The following CNGA1 variants were observed in gnomAD, a reference collection of about 807,000 sequenced individuals.
CNGA1 encodes the protein cyclic nucleotide-gated channel alpha-1.
Under a neutral mutation model 69.7 loss-of-function variants are expected in CNGA1, and 53 were observed. That is an observed-to-expected ratio of 0.76 (90% CI 0.61 to 0.96). The LOEUF is 0.96. CNGA1 is among the 40% of genes least tolerant of loss of function. The probability of loss-of-function intolerance (pLI) is 0.00; values close to 1 mark genes in which losing one functional copy is unlikely to be tolerated. For synonymous variants in CNGA1, 249 were observed against 283.5 expected, an observed-to-expected ratio of 0.88 and a Z score of 1.22; for missense variants, 739 against 811.2, an observed-to-expected ratio of 0.91 and a Z score of 1.08.
At chr4:48,014,962 G>A (rs1715313267) in intron 1 of CNGA1, among the ~76,000 whole-genome samples, 1 of 152,072 alleles carries the variant, frequency 6.6e-6, no homozygotes, top group African/African-American at 2.4e-5. Flanking sequence ...CACGAGGTCA[G>A]GAGATTGAGA....
At chr4:48,010,062 T>C (rs1216332677) in intron 2 of CNGA1, among the ~76,000 whole-genome samples, 3 of 152,166 alleles carry the variant, frequency 2.0e-5, no homozygotes, top group Non-Finnish European at 2.9e-5. Flanking sequence ...TTCACAACAC[T>C]AGGCAGTTGT....
In CNGA1 at chr4:47,951,405, C is replaced by T; in HGVS notation, c.172G>A (p.Ala58Thr). ...SEESENENPH[A>T]RGSFSYKSLR... ...GACTTATAACTAAAGGAACCCCTTG[C>T]ATGAGGGTTTTCATTCTCTGATTCT... The change falls in exon 5 of 11, where the codon GCA becomes ACA. Residue 58 changes from alanine to threonine, a missense_variant. Coordinates refer to ENST00000514170, the MANE Select transcript of CNGA1 (RefSeq NM_001379270.1). 2 of 1,613,898 alleles carry T rather than the reference C, an allele frequency of 1.2e-6. No homozygotes were observed. Among genetic ancestry groups the T allele is most frequent in the Non-Finnish European group, 1.7e-6 (2 of 1,179,832 alleles).
intron 10 of CNGA1, among the ~76,000 whole-genome samples, chr4:47,938,827 A>T (rs2110132994): frequency 1.3e-5 from 2 of 152,076 alleles, no homozygotes; most frequent in Middle Eastern, 3.4e-3. Context: ...CTGTAATCCC[A>T]GCACTTTGGA....
At position 47,989,256 on chromosome 4, in the gene CNGA1, T is replaced by C. The variant is rs184210235; in HGVS notation, c.-122-7756A>G. 2.1e-3 allele frequency among the ~76,000 whole-genome samples: 320 copies of C among 152,316 alleles called. 3 individuals carry two copies. The highest frequency in any genetic ancestry group is 7.6e-3 in the African/African-American group (315 of 41,578). On this transcript the variant is annotated intron_variant, in intron 2 of 10. Coordinates refer to ENST00000514170, the MANE Select transcript of CNGA1 (RefSeq NM_001379270.1). ...ATTCCTGCTAATGAGCAAACTATCT[T>C]TGGTTATAATTTAACTTCTCAGGTA... is the stretch of plus-strand genomic sequence containing the variant.
At chr4:47,999,335 A>G (rs1714556293) in intron 2 of CNGA1, among the ~76,000 whole-genome samples, 1 of 152,238 alleles carries the variant, frequency 6.6e-6, no homozygotes, top group Non-Finnish European at 1.5e-5. Context: ...AAAGAGAGCT[A>G]TGATACTTTC....
At chr4:47,944,132 A>C (rs1476903798) in intron 6 of CNGA1, among the ~76,000 whole-genome samples, 3 of 152,226 alleles carry the variant, frequency 2.0e-5, no homozygotes. Context: ...TCTTGTTACC[A>C]CTAGGATAGT....
chr4:47,937,986 C>T (rs376686359), intron 10 of CNGA1, among the ~76,000 whole-genome samples, 157 bp from the exon 11 acceptor site: 1 of 151,690 alleles, frequency 6.6e-6, no homozygotes, highest in African/African-American at 2.4e-5. Flanking sequence ...TACTAATAAA[C>T]CTATGGCTGT....
In CNGA1 at chr4:47,981,461, G is replaced by A. The variant is rs1000661958; in HGVS notation, c.-83C>T. 4.6e-5 allele frequency: 7 copies of A among 152,242 alleles called. No individual in the cohort carries two copies. The highest frequency in any genetic ancestry group is 1.9e-4 in the East Asian group (1 of 5,190). 9.4% of individuals were successfully genotyped at this position (152,242 alleles called of 1,614,324 possible). A position where few individuals can be genotyped will look rare whatever the true frequency, so the allele number is the denominator to read the frequency against. ...CGTCACTGGTGTATCCAAACAAACAGGGATATACGGTAAATCTTGACATTG... is the reference window on the plus strand; with the variant it reads ...CGTCACTGGTGTATCCAAACAAACAAGGATATACGGTAAATCTTGACATTG... On this transcript the variant is annotated 5_prime_UTR_variant, in exon 3 of 11. Transcript: ENST00000514170.
chr4:48,000,447 G>A (rs929550571), intron 2 of CNGA1, among the ~76,000 whole-genome samples: 1 of 151,412 alleles, frequency 6.6e-6, no homozygotes, highest in African/African-American at 2.4e-5. Flanking sequence ...TCGGCTCACC[G>A]CAACCTCCGC....
At chr4:47,973,173 T>C (rs1190711090) in intron 3 of CNGA1, among the ~76,000 whole-genome samples, 1 of 148,232 alleles carries the variant, frequency 6.7e-6, no homozygotes, top group Non-Finnish European at 1.5e-5. Flanking sequence ...GTTCAAGCAA[T>C]TCTCCCACCT....
In CNGA1 at chr4:48,014,535, C is replaced by T. The variant is rs578072408; in HGVS notation, c.-223+1948G>A. ...TGTTTTGTTTTTTAATGTCCAATTA[C>T]CAAATGGGTTAAGAGCACATACTTG... On this transcript the variant is annotated intron_variant, in intron 1 of 10. Transcript: ENST00000514170. Among the ~76,000 whole-genome samples the T allele has an allele frequency of 3.3e-5, 5 of 152,198 alleles. No homozygotes were observed. The East Asian group carries it at 7.7e-4, about 24-fold the overall frequency.
intron 2 of CNGA1, among the ~76,000 whole-genome samples, chr4:47,985,998 T>C (rs1168255704): frequency 1.3e-5 from 2 of 152,214 alleles, no homozygotes; most frequent in African/African-American, 4.8e-5. Flanking sequence ...CTCTCTTCCT[T>C]TTCCTTCCTT....
In CNGA1 at chr4:47,936,570, C is replaced by T. The variant is rs189580090; in HGVS notation, c.1912G>A (p.Ala638Thr). The part of the protein sequence containing the change: ...GSVDLLQTRF[A>T]RILAEYESMQ... ...GACTCATACTCAGCCAAGATTCGGGCAAACCTGGTTTGCAGGAGGTCTACT... is the reference window on the plus strand; with the variant it reads ...GACTCATACTCAGCCAAGATTCGGGTAAACCTGGTTTGCAGGAGGTCTACT... The change falls in exon 11 of 11, where the codon GCC becomes ACC. Residue 638 changes from alanine (A) to threonine (T), a missense_variant. Coordinates refer to ENST00000514170, the MANE Select transcript of CNGA1 (RefSeq NM_001379270.1). The T allele has an allele frequency of 3.7e-6, 6 of 1,614,170 alleles. No homozygotes were observed. In the African/African-American group the frequency reaches 6.7e-5, roughly 18 times the overall value.
intron 2 of CNGA1, among the ~76,000 whole-genome samples, chr4:47,996,313 T>C (rs1437162837): frequency 2.6e-5 from 4 of 152,150 alleles, no homozygotes; most frequent in Non-Finnish European, 5.9e-5. Context: ...CCTTGGAATA[T>C]TGGAAATTTA....
chr4:47,946,025 C>T (rs1179804691), intron 6 of CNGA1, among the ~76,000 whole-genome samples: 1 of 152,170 alleles, frequency 6.6e-6, no homozygotes, highest in Non-Finnish European at 1.5e-5. Context: ...CAACTCCCAC[C>T]CCTACCCCAC....
intron 3 of CNGA1, among the ~76,000 whole-genome samples, chr4:47,954,569 A>G (rs1465076661): frequency 6.6e-6 from 1 of 152,200 alleles, no homozygotes. Flanking sequence ...AACCACATGA[A>G]AGATGACATC....
intron 9 of CNGA1, among the ~76,000 whole-genome samples, chr4:47,941,818 C>T (rs1480443198): frequency 6.6e-6 from 1 of 152,110 alleles, no homozygotes; most frequent in Non-Finnish European, 1.5e-5. Context: ...TCCCCGACCC[C>T]TCCATGCATC....
Position 47,936,155 on chromosome 4 carries a change from A to C in CNGA1, c.*266T>G. ...TATTACATAAAATGAGCGTATGTGA[A>C]AAAATCAGAAAATACAGACACTGAC... is the stretch of plus-strand genomic sequence containing the variant. On this transcript the variant is annotated 3_prime_UTR_variant, in exon 11 of 11. Transcript: ENST00000514170. 1.9e-6 allele frequency: 1 copy of C among 514,754 alleles called. No individual in the cohort carries two copies. Among genetic ancestry groups the C allele is most frequent in the Non-Finnish European group, 3.4e-6 (1 of 290,184 alleles). 31.9% of individuals were successfully genotyped at this position (514,754 alleles called of 1,614,324 possible).
At chr4:47,943,707 G>A (rs1739232374) in intron 6 of CNGA1, among the ~76,000 whole-genome samples, 1 of 152,108 alleles carries the variant, frequency 6.6e-6, no homozygotes, top group African/African-American at 2.4e-5. Flanking sequence ...CCCCCCAAGA[G>A]TGTTCTTCGA....
Sources: gnomAD v4.1 joint callset for allele counts (sites outside exome capture counted in the v4.1 genomes callset) on GRCh38, gnomAD v4.1.1 for gene constraint, MANE v1.5 for transcripts, NCBI Gene and HGNC (gene_info 2026-07-23, HGNC 2026-07-21) for gene names.